Variants in ATP10B observed in about 807,000 individuals in gnomAD.
ATP10B encodes ATPase phospholipid transporting 10B (putative).
Under a neutral mutation model 141.2 loss-of-function variants are expected in ATP10B, and 122 were observed. The observed-to-expected ratio is 0.86, with a 90% CI of 0.75 to 1.00. ATP10B has a LOEUF of 1.00. Ranked by LOEUF, ATP10B falls within the 50% of genes least tolerant of loss-of-function variation. ATP10B has a pLI of 0.00. For synonymous variants in ATP10B, 685 were observed against 692.0 expected, an observed-to-expected ratio of 0.99 and a Z score of 0.16; for missense variants, 1,876 against 1,825.3, an observed-to-expected ratio of 1.03 and a Z score of -0.51.
At chr5:160,835,619 T>C (rs146506961) in intron 1 of ATP10B, among the ~76,000 whole-genome samples, 1 of 152,236 alleles carries the variant, frequency 6.6e-6, no homozygotes, top group East Asian at 1.9e-4. Context: ...GGATAAATAT[T>C]ACCACATCAT....
chr5:160,594,350 T>C (rs1756530371), intron 22 of ATP10B, among the ~76,000 whole-genome samples: 1 of 152,186 alleles, frequency 6.6e-6, no homozygotes, highest in African/African-American at 2.4e-5. Context: ...AGAGATTTTG[T>C]CACCACCAGG....
At chr5:160,570,191 A>C (rs1469175754) in intron 24 of ATP10B, among the ~76,000 whole-genome samples, 2 of 152,106 alleles carry the variant, frequency 1.3e-5, no homozygotes, top group East Asian at 3.8e-4. Flanking sequence ...TAATTTTAAA[A>C]ATTGATACTA....
chr5:160,688,846 C>T lies in ATP10B; in HGVS notation c.-107G>A. 2 of 985,418 alleles carry T rather than the reference C, an allele frequency of 2.0e-6. No individual in the cohort carries two copies. Among genetic ancestry groups the T allele is most frequent in the Non-Finnish European group, 2.4e-6 (2 of 829,940 alleles). The allele number at this position is 985,418 out of a possible 1,614,324, so 61.0% of individuals were successfully genotyped here. A position where few individuals can be genotyped will look rare whatever the true frequency, so the allele number is the denominator to read the frequency against. On this transcript the variant is annotated 5_prime_UTR_variant, in exon 4 of 26. Coordinates refer to ENST00000327245, the MANE Select transcript of ATP10B (RefSeq NM_025153.3). ...GAAATTTGTCCATGAGGTGACTGGGCTGTGCTACTGTCCAGTCAGCTGGCT... is the reference window on the plus strand; with the variant it reads ...GAAATTTGTCCATGAGGTGACTGGGTTGTGCTACTGTCCAGTCAGCTGGCT...
chr5:160,813,212 G>T (rs1236228102), intron 1 of ATP10B, among the ~76,000 whole-genome samples: 2 of 152,254 alleles, frequency 1.3e-5, no homozygotes, highest in African/African-American at 4.8e-5. Context: ...AGCACAAGGG[G>T]TCAGGGAATT....
the ATP10B span, among the ~76,000 whole-genome samples, chr5:160,874,312 C>T: frequency 1.3e-5 from 2 of 151,940 alleles, no homozygotes; most frequent in Non-Finnish European, 2.9e-5. Flanking sequence ...AACAGACCTG[C>T]AGCTGAGGGT....
chr5:160,643,724 C>T (rs185744369), intron 9 of ATP10B, among the ~76,000 whole-genome samples: 133 of 152,292 alleles, frequency 8.7e-4, no homozygotes, highest in African/African-American at 3.2e-3. Flanking sequence ...GTAATTTGAT[C>T]CTTACAAACA....
chr5:160,617,845 T>C lies in ATP10B; in HGVS notation c.2526+19A>G, dbSNP rs751142355. On this transcript the variant is annotated intron_variant, in intron 16 of 25. Transcript: ENST00000327245. ...CTATTTAATGATATTCAAAGCACGC[T>C]TGGAGGAATTGTTCTTACCTTCTTG... 1 of 1,594,026 alleles carries C rather than the reference T, an allele frequency of 6.3e-7. No homozygotes were observed. Among genetic ancestry groups the C allele is most frequent in the Non-Finnish European group, 8.6e-7 (1 of 1,161,742 alleles).
At chr5:160,769,367 G>GA (rs1769711273) in intron 2 of ATP10B, among the ~76,000 whole-genome samples, 1 of 152,132 alleles carries the variant, frequency 6.6e-6, no homozygotes, top group Admixed American at 6.5e-5. Context: ...TTGGGACGGG[G>GA]CCCACATTTC....
chr5:160,822,737 T>G (rs999508816), intron 1 of ATP10B, among the ~76,000 whole-genome samples: 1 of 151,824 alleles, frequency 6.6e-6, no homozygotes, highest in South Asian at 2.1e-4. Context: ...AAAGTCCTTA[T>G]GTTAAGTGAA....
intron 3 of ATP10B, among the ~76,000 whole-genome samples, chr5:160,702,166 A>AAAACAAT (rs1764721333): frequency 6.6e-6 from 1 of 152,252 alleles, no homozygotes; most frequent in Admixed American, 6.5e-5. Context: ...TGATAAACAA[A>AAAACAAT]AAACAATAAT....
intron 2 of ATP10B, among the ~76,000 whole-genome samples, chr5:160,754,874 CTTTT>C (rs1200039719): frequency 6.6e-6 from 1 of 152,054 alleles, no homozygotes. Flanking sequence ...AATGTGTCAC[CTTTT>C]ATTTATTTCA....
At chr5:160,607,124 C>A (rs1464295065) in intron 18 of ATP10B, 38 bp from the exon 19 acceptor site, 3 of 1,534,692 alleles carry the variant, frequency 2.0e-6, no homozygotes, top group South Asian at 1.2e-5. Context: ...TTGTAAGCAA[C>A]CTTGGAAATG....
chr5:160,660,073 A>ACT (rs1761807552), intron 7 of ATP10B, among the ~76,000 whole-genome samples: 1 of 152,180 alleles, frequency 6.6e-6, no homozygotes, highest in South Asian at 2.1e-4. Flanking sequence ...TGGATAAGGA[A>ACT]TTTGCCTGAT....
intron 9 of ATP10B, 125 bp from the exon 10 acceptor site, chr5:160,640,717 C>T (rs1251201200): frequency 7.6e-6 from 10 of 1,313,382 alleles, no homozygotes; most frequent in Admixed American, 2.4e-5. Flanking sequence ...CCTGAACTTG[C>T]CCCGCCTCAG....
At chr5:160,618,038 A>G in intron 15 of ATP10B, 65 bp from the exon 16 acceptor site, 1 of 1,259,860 alleles carries the variant, frequency 7.9e-7, no homozygotes, top group African/African-American at 1.5e-5. Context: ...CATCCCCAAT[A>G]CCCTGGAATC....
chr5:160,645,771 G>A (rs1760236222), intron 8 of ATP10B, among the ~76,000 whole-genome samples: 2 of 152,262 alleles, frequency 1.3e-5, no homozygotes, highest in South Asian at 2.1e-4. Flanking sequence ...TTTTTTAAAC[G>A]TGTTGTTCTT....
At chr5:160,828,662 A>T (rs955724772) in intron 1 of ATP10B, among the ~76,000 whole-genome samples, 4 of 151,820 alleles carry the variant, frequency 2.6e-5, no homozygotes, top group African/African-American at 4.9e-5. Flanking sequence ...TTCCTCAGGG[A>T]TCTAGAACTA....
chr5:160,598,644 TGGAACAGTGGTCAGAATGCAG>T (rs1756896693), intron 22 of ATP10B, 105 bp downstream of exon 22: 2 of 824,788 alleles, frequency 2.4e-6, no homozygotes, highest in African/African-American at 1.7e-5. Context: ...AAGTAAATGA[TGGAACAGTGGTCAGAATGCAG>T]GCTTCTGACC....
chr5:160,602,549 G>C, intron 21 of ATP10B, 28 bp downstream of exon 21: 2 of 1,612,864 alleles, frequency 1.2e-6, no homozygotes, highest in South Asian at 2.2e-5. Context: ...CCAAAGCCCT[G>C]GGTGAGAGGA....
Sources: allele counts gnomAD v4.1 joint callset (sites outside exome capture counted in the v4.1 genomes callset), GRCh38; gene constraint gnomAD v4.1.1; transcripts MANE v1.5; gene names NCBI Gene and HGNC (gene_info 2026-07-23, HGNC 2026-07-21).